Variants in PALM2AKAP2 observed in about 807,000 individuals in gnomAD.
PALM2AKAP2 encodes PALM2-AKAP2 fusion protein.
PALM2AKAP2 carries 37 observed loss-of-function variants against 71.5 expected under a neutral mutation model. The ratio of observed to expected loss-of-function variants is 0.52; its 90% CI spans 0.40 to 0.68. The LOEUF (loss-of-function observed/expected upper bound fraction) is 0.68, where lower values mean the gene tolerates loss of function less well. Among genes scored for constraint, PALM2AKAP2 ranks in the 30% least tolerant of loss-of-function variants. The pLI is 0.00. For missense variants in PALM2AKAP2, 1,224 were observed against 1,191.8 expected (o/e 1.03, Z -0.40); for synonymous variants, 468 against 478.8 (o/e 0.98, Z 0.29).
At chr9:110,122,824 C>A (rs1464495967) in intron 1 of PALM2AKAP2, among the ~76,000 whole-genome samples, 2 of 152,054 alleles carry the variant, frequency 1.3e-5, no homozygotes, top group Admixed American at 1.3e-4. Context: ...TCAGAAAACC[C>A]ACCCCAAGCT....
At chr9:110,000,694 T>G (rs1307925608) in intron 6 of PALM2AKAP2, among the ~76,000 whole-genome samples, 1 of 152,258 alleles carries the variant, frequency 6.6e-6, no homozygotes, top group African/African-American at 2.4e-5. Context: ...GACTTTTTAA[T>G]GATCCCCATT....
intron 1 of PALM2AKAP2, among the ~76,000 whole-genome samples, chr9:109,691,742 C>T (rs898860899): frequency 2.0e-5 from 3 of 148,922 alleles, no homozygotes; most frequent in Non-Finnish European, 3.0e-5. Flanking sequence ...CCACACCACC[C>T]ATGCTTATAT....
At chr9:110,065,354 G>A (rs1834056146) in intron 1 of PALM2AKAP2, among the ~76,000 whole-genome samples, 1 of 152,068 alleles carries the variant, frequency 6.6e-6, no homozygotes, top group Admixed American at 6.6e-5. Context: ...TCAGCCTCCT[G>A]AGAGGCTGGG....
At chr9:109,992,600 G>A (rs1423772302) in intron 6 of PALM2AKAP2, among the ~76,000 whole-genome samples, 2 of 152,064 alleles carry the variant, frequency 1.3e-5, no homozygotes, top group Admixed American at 1.3e-4. Flanking sequence ...TGTATTCAAA[G>A]TATCTTTTTG....
intron 1 of PALM2AKAP2, among the ~76,000 whole-genome samples, chr9:109,708,220 C>T (rs1384712623): frequency 1.3e-5 from 2 of 152,118 alleles, no homozygotes; most frequent in African/African-American, 4.8e-5. Context: ...CATCCAATGC[C>T]TCCTTTGTCT....
At chr9:109,835,156 G>T (rs1403209894) in intron 1 of PALM2AKAP2, among the ~76,000 whole-genome samples, 10 of 148,124 alleles carry the variant, frequency 6.8e-5, no homozygotes, top group Middle Eastern at 6.8e-3. Flanking sequence ...GGCAGAGGTG[G>T]AGGGAAAGAG....
intron 6 of PALM2AKAP2, among the ~76,000 whole-genome samples, chr9:109,984,562 T>A (rs77082686): frequency 0.028 from 4,311 of 152,036 alleles, 69 homozygotes; most frequent in South Asian, 0.049. Context: ...TAAACAAAAT[T>A]TTAGAAACTT....
chr9:110,109,215 G>C (rs1835182875), intron 1 of PALM2AKAP2, among the ~76,000 whole-genome samples: 1 of 151,050 alleles, frequency 6.6e-6, no homozygotes, highest in African/African-American at 2.4e-5. Context: ...TAGTCAGAAG[G>C]CTGAGGCAGG....
chr9:109,800,648 T>C (rs748701322), intron 1 of PALM2AKAP2, among the ~76,000 whole-genome samples: 6 of 152,256 alleles, frequency 3.9e-5, no homozygotes, highest in Non-Finnish European at 7.3e-5. Flanking sequence ...AACTGAGCAA[T>C]GGTAGTACTT....
chr9:110,099,294 C>T (rs1479338997), intron 1 of PALM2AKAP2, among the ~76,000 whole-genome samples: 3 of 152,240 alleles, frequency 2.0e-5, no homozygotes, highest in African/African-American at 4.8e-5. Context: ...CTCCTGGCAG[C>T]TTGCTGTGTG....
intron 1 of PALM2AKAP2, among the ~76,000 whole-genome samples, chr9:110,061,751 C>A (rs1564285107): frequency 7.1e-6 from 1 of 140,090 alleles, no homozygotes; most frequent in African/African-American, 3.3e-5. Flanking sequence ...GTTGGCCAGG[C>A]TGGTCTCGAA....
chr9:109,847,298 G>A (rs1321343559), intron 1 of PALM2AKAP2, among the ~76,000 whole-genome samples: 2 of 152,142 alleles, frequency 1.3e-5, no homozygotes, highest in African/African-American at 4.8e-5. Context: ...GAGGTTAGAG[G>A]GATGCACCCC....
chr9:110,099,076 C>T (rs1277048763), intron 1 of PALM2AKAP2, among the ~76,000 whole-genome samples: 8 of 152,178 alleles, frequency 5.3e-5, no homozygotes, highest in African/African-American at 1.7e-4. Context: ...TTTTTCTGCT[C>T]ACCACCACTA....
chr9:109,655,782 G>T (rs913723703), intron 1 of PALM2AKAP2, among the ~76,000 whole-genome samples: 1 of 152,072 alleles, frequency 6.6e-6, no homozygotes, highest in Admixed American at 6.6e-5. Context: ...CCTTTTTAAG[G>T]CTGAATAATA....
intron 3 of PALM2AKAP2, among the ~76,000 whole-genome samples, chr9:109,919,900 G>A (rs1208544945): frequency 6.6e-6 from 1 of 152,156 alleles, no homozygotes; most frequent in African/African-American, 2.4e-5. Flanking sequence ...ACTTCTGTGA[G>A]TAGGCTGGGT....
At chr9:109,956,661 C>A (rs1288579941) in intron 6 of PALM2AKAP2, among the ~76,000 whole-genome samples, 1 of 152,182 alleles carries the variant, frequency 6.6e-6, no homozygotes, top group East Asian at 1.9e-4. Flanking sequence ...AAACTTCAGA[C>A]TTTTGGGCAT....
At chr9:109,679,159 G>A (rs1444805288) in intron 1 of PALM2AKAP2, among the ~76,000 whole-genome samples, 1 of 152,202 alleles carries the variant, frequency 6.6e-6, no homozygotes, top group Non-Finnish European at 1.5e-5. Flanking sequence ...GCCAGGCTGT[G>A]GCTGTGCTTC....
At chr9:110,031,547 T>C (rs1363169897) in intron 7 of PALM2AKAP2, among the ~76,000 whole-genome samples, 1 of 152,182 alleles carries the variant, frequency 6.6e-6, no homozygotes, top group Non-Finnish European at 1.5e-5. Flanking sequence ...CAGGTAGTGC[T>C]CTGGGTGTTT....
chr9:109,908,807 T>TGC (rs945455055), intron 3 of PALM2AKAP2, among the ~76,000 whole-genome samples: 1 of 87,624 alleles, frequency 1.1e-5, no homozygotes, highest in African/African-American at 4.7e-5. Flanking sequence ...TGGATGCGTG[T>TGC]GCACACACAC....
Sources: allele counts gnomAD v4.1 joint callset (sites outside exome capture counted in the v4.1 genomes callset), GRCh38; gene constraint gnomAD v4.1.1; transcripts MANE v1.5; gene names NCBI Gene and HGNC (gene_info 2026-07-23, HGNC 2026-07-21).